ZNF140: variants seen among roughly 807,000 people sequenced by gnomAD.
ZNF140 encodes the protein zinc finger protein 140.
ZNF140 carries 13 observed loss-of-function variants against 12.9 expected under a neutral mutation model. That is an observed-to-expected ratio of 1.01 (90% CI 0.66 to 1.60). ZNF140 has a LOEUF of 1.60. ZNF140 is among the 40% of genes most tolerant of loss of function. ZNF140 has a pLI of 0.00. For missense variants in ZNF140, 531 were observed against 548.8 expected, an observed-to-expected ratio of 0.97 and a Z score of 0.32; for synonymous variants, 214 against 186.7, an observed-to-expected ratio of 1.15 and a Z score of -1.19.
Position 133,106,388 on chromosome 12 carries a change from TC to T in ZNF140, c.1114del (p.Ile373PhefsTer118), listed in dbSNP as rs1346222608. 6.2e-7 allele frequency: 1 copy of T among 1,614,018 alleles called. No homozygotes were observed. Among genetic ancestry groups the T allele is most frequent in the Non-Finnish European group, 8.5e-7 (1 of 1,180,022 alleles). On this transcript the variant is annotated frameshift_variant, in exon 5 of 5. Transcript: ENST00000355557. LOFTEE classifies it low-confidence loss of function (END_TRUNC). The part of the protein sequence containing the change: ...ECGKVFTWHA[S>X]LIQHTKSHTG... ...TGGTAAAGTTTTCACTTGGCATGCATCCCTTATTCAACATACGAAGAGTCAC... is the reference window on the plus strand; with the variant it reads ...TGGTAAAGTTTTCACTTGGCATGCATCCTTATTCAACATACGAAGAGTCAC...
chr12:133,105,062 CT>C (rs1162727322), intron 4 of ZNF140, among the ~76,000 whole-genome samples: 66 of 151,428 alleles, frequency 4.4e-4, no homozygotes, highest in African/African-American at 8.7e-4. Flanking sequence ...AGAGAAACCG[CT>C]TTTTTTTTCA....
intron 4 of ZNF140, chr12:133,083,979 C>T (rs1300093339): frequency 3.7e-6 from 1 of 267,140 alleles, no homozygotes; most frequent in Non-Finnish European, 7.3e-6. Context: ...AAAAAGATAC[C>T]AGAGGTATAA....
At chr12:133,080,567 C>T (rs1403436618), upstream of ZNF140, 2 of 152,428 alleles carry the variant, frequency 1.3e-5, no homozygotes, top group Admixed American at 1.3e-4. Flanking sequence ...TGTACTCTTC[C>T]GCGGGGGGCC....
chr12:133,102,744 G>A (rs967348083), intron 4 of ZNF140, among the ~76,000 whole-genome samples: 4 of 118,738 alleles, frequency 3.4e-5, no homozygotes, highest in Admixed American at 8.4e-5. Context: ...GCGAGACTCC[G>A]TTTCTTAAAA....
At chr12:133,084,272 CTATT>C in intron 4 of ZNF140, 1 of 362,154 alleles carries the variant, frequency 2.8e-6, no homozygotes, top group Admixed American at 4.3e-5. Context: ...TTTTGCTGTT[CTATT>C]TAATCACCTT....
intron 2 of ZNF140, chr12:133,082,485 C>T (rs1165065755): frequency 6.6e-6 from 1 of 152,592 alleles, no homozygotes. Flanking sequence ...ATATTATTCC[C>T]CCTAACTCTG....
At chr12:133,099,402 C>T (rs1955253818) in intron 4 of ZNF140, among the ~76,000 whole-genome samples, 1 of 152,024 alleles carries the variant, frequency 6.6e-6, no homozygotes, top group Non-Finnish European at 1.5e-5. Context: ...GTCTCAAACT[C>T]CTGACCTCAG....
chr12:133,099,734 G>T (rs933662672), intron 4 of ZNF140, among the ~76,000 whole-genome samples: 2 of 152,076 alleles, frequency 1.3e-5, no homozygotes, highest in East Asian at 1.9e-4. Flanking sequence ...CTTCTTAAAT[G>T]CTATTCCTTT....
intron 4 of ZNF140, among the ~76,000 whole-genome samples, chr12:133,100,773 C>G (rs890942694): frequency 1.2e-4 from 18 of 152,236 alleles, no homozygotes; most frequent in African/African-American, 4.3e-4. Context: ...GTCAGTTGAA[C>G]ACAAGCACTA....
intron 4 of ZNF140, among the ~76,000 whole-genome samples, chr12:133,088,102 C>T (rs1954735351): frequency 6.6e-6 from 1 of 151,108 alleles, no homozygotes; most frequent in Non-Finnish European, 1.5e-5. Context: ...TGCACTCCGG[C>T]CTGGGCGACA....
intron 4 of ZNF140, among the ~76,000 whole-genome samples, chr12:133,104,641 G>A (rs900105067): frequency 1.8e-4 from 28 of 152,260 alleles, no homozygotes; most frequent in South Asian, 4.1e-4. Context: ...GTGAGCCACT[G>A]CGCCCGGCCA....
intron 4 of ZNF140, among the ~76,000 whole-genome samples, chr12:133,093,960 CCTCT>C (rs1161670293): frequency 1.3e-5 from 2 of 151,110 alleles, no homozygotes; most frequent in African/African-American, 2.5e-5. Context: ...TCCCCTGTGT[CCTCT>C]CTCCTTCACA....
chr12:133,084,079 C>A, intron 4 of ZNF140: 1 of 380,972 alleles, frequency 2.6e-6, no homozygotes, highest in Non-Finnish European at 5.0e-6. Context: ...CATAGTCGAC[C>A]AGTTCTCACC....
At position 133,105,848 on chromosome 12, in the gene ZNF140, T is replaced by G; in HGVS notation, c.571T>G (p.Cys191Gly). 4 of 1,614,182 alleles carry G rather than the reference T, an allele frequency of 2.5e-6. No homozygotes were observed. Among genetic ancestry groups the G allele is most frequent in the Non-Finnish European group, 3.4e-6 (4 of 1,180,040 alleles). Residue 191 changes from cysteine to glycine, a missense_variant, in exon 5 of 5, where the codon TGT (cysteine) becomes GGT (glycine). Cys to Gly is a radical substitution (Grantham distance 159). Coordinates refer to ENST00000355557, the MANE Select transcript of ZNF140 (RefSeq NM_003440.4). ...TCATACTGGAGAGAAACCATATGCA[T>G]GTAAGGAATGTGGCAAAACCTTTAG... The part of the protein sequence containing the change: ...RTHTGEKPYA[C>G]KECGKTFSQI...
At position 133,106,304 on chromosome 12, in the gene ZNF140, T is replaced by C. The variant is rs1460848220; in HGVS notation, c.1027T>C (p.Phe343Leu). The change falls in exon 5 of 5, where the codon TTC becomes CTC. Residue 343 changes from phenylalanine to leucine, a missense_variant. Coordinates refer to ENST00000355557, the MANE Select transcript of ZNF140 (RefSeq NM_003440.4). ...ECRKAFRCHS[F>L]LIKHQRIHAG... ...TAGGAAAGCTTTCCGTTGTCACTCA[T>C]TCCTTATTAAACATCAGAGAATTCA... is the stretch of plus-strand genomic sequence containing the variant. The C allele has an allele frequency of 6.2e-7, 1 of 1,614,062 alleles. No individual in the cohort carries two copies. Among genetic ancestry groups the C allele is most frequent in the African/African-American group, 1.3e-5 (1 of 74,934 alleles).
At position 133,100,143 on chromosome 12, in the gene ZNF140, A is replaced by C. The variant is rs73425978; in HGVS notation, c.233-5367A>C. Reference sequence around the variant, plus strand: ...TTTCTGTTCATGTCTTCCATCCAAAAATTTAATGCCTTTTCCGTTTTTTTT... The same window carrying C: ...TTTCTGTTCATGTCTTCCATCCAAACATTTAATGCCTTTTCCGTTTTTTTT... On this transcript the variant is annotated intron_variant, in intron 4 of 4. Coordinates refer to ENST00000355557, the MANE Select transcript of ZNF140 (RefSeq NM_003440.4). Among the ~76,000 whole-genome samples, 776 of 148,542 alleles carry C rather than the reference A, an allele frequency of 5.2e-3. 6 individuals carry two copies. The highest frequency in any genetic ancestry group is 0.017 in the African/African-American group (665 of 39,616).
chr12:133,096,915 T>A (rs1321829226), intron 4 of ZNF140, among the ~76,000 whole-genome samples: 2 of 152,360 alleles, frequency 1.3e-5, no homozygotes, highest in African/African-American at 4.8e-5. Context: ...AACGATTTTC[T>A]GCCTGCTGGA....
At position 133,106,569 on chromosome 12, in the gene ZNF140, A is replaced by C; in HGVS notation, c.1292A>C (p.His431Pro). 6.2e-7 allele frequency: 1 copy of C among 1,613,876 alleles called. No homozygotes were observed. Among genetic ancestry groups the C allele is most frequent in the South Asian group, 1.1e-5 (1 of 91,078 alleles). Reference sequence around the variant, plus strand: ...AGCTGGAGCTCAAACCTTGCTAAACATCAGAGGACACACACTCTTGACAAC... The same window carrying C: ...AGCTGGAGCTCAAACCTTGCTAAACCTCAGAGGACACACACTCTTGACAAC... ...SFSWSSNLAK[H>P]QRTHTLDNPY... The change falls in exon 5 of 5, where the codon CAT (histidine) becomes CCT (proline). Residue 431 changes from histidine (H) to proline (P), a missense_variant. By Grantham distance (77) the His-to-Pro change is moderately conservative. Coordinates refer to ENST00000355557, the MANE Select transcript of ZNF140 (RefSeq NM_003440.4).
At chr12:133,087,156 G>C (rs1309860178) in intron 4 of ZNF140, among the ~76,000 whole-genome samples, 14 of 152,002 alleles carry the variant, frequency 9.2e-5, no homozygotes, top group Non-Finnish European at 2.1e-4. Context: ...TAGGCATCCA[G>C]GGAGCTAAGG....
Sources: gnomAD v4.1 joint callset for allele counts (sites outside exome capture counted in the v4.1 genomes callset) on GRCh38, gnomAD v4.1.1 for gene constraint, MANE v1.5 for transcripts, NCBI Gene and HGNC (gene_info 2026-07-23, HGNC 2026-07-21) for gene names.